The following SPATA1 variants were observed in gnomAD, a reference collection of about 807,000 sequenced individuals.
SPATA1 encodes spermatogenesis associated 1.
In SPATA1, 57 loss-of-function variants were observed where a neutral mutation model predicts 59.6. The observed-to-expected ratio is 0.96, with a 90% confidence interval of 0.77 to 1.19. The LOEUF is 1.19. Ranked by LOEUF, SPATA1 falls within the 50% of genes most tolerant of loss-of-function variation. The pLI is 0.00. For missense variants in SPATA1, 448 were observed against 480.7 expected, an observed-to-expected ratio of 0.93 and a Z score of 0.64; for synonymous variants, 147 against 163.9, an observed-to-expected ratio of 0.90 and a Z score of 0.79.
At position 84,522,584 on chromosome 1, in the gene SPATA1, C is replaced by A; in HGVS notation, c.261+77C>A. ...ATTACATTTCTTAAATGCTTATCAA[C>A]TCAGCTCCTTAAGATATTATTAGAT... On this transcript the variant is annotated intron_variant, in intron 4 of 12. Transcript: ENST00000490879. 7.8e-6 allele frequency: 5 copies of A among 643,674 alleles called. No individual in the cohort carries two copies. The South Asian group carries it at 1.1e-4, about 14-fold the overall frequency. The allele number at this position is 643,674 out of a possible 1,614,324, so 39.9% of individuals were successfully genotyped here.
chr1:84,514,928 G>A (rs148533305), intron 1 of SPATA1, among the ~76,000 whole-genome samples: 2,440 of 152,026 alleles, frequency 0.016, 19 homozygotes, highest in Admixed American at 0.027. Flanking sequence ...CCAAGACTGC[G>A]CTACTGCACT....
At chr1:84,555,103 C>T, downstream of SPATA1, 1 of 1,613,718 alleles carries the variant, frequency 6.2e-7, no homozygotes, top group Non-Finnish European at 8.5e-7. Flanking sequence ...TTCCACATGC[C>T]AATGCCCCGT....
intron 8 of SPATA1, among the ~76,000 whole-genome samples, chr1:84,538,774 G>A (rs575446821): frequency 6.6e-6 from 1 of 152,288 alleles, no homozygotes; most frequent in African/African-American, 2.4e-5. Flanking sequence ...TGCAAGCAAT[G>A]CTGCCACTTG....
At chr1:84,530,676 T>A (rs1388914605) in intron 6 of SPATA1, among the ~76,000 whole-genome samples, 2 of 152,232 alleles carry the variant, frequency 1.3e-5, no homozygotes, top group African/African-American at 4.8e-5. Context: ...GTACTTTACA[T>A]GCATTATGCC....
chr1:84,561,380 A>G (rs1378655482), intron 4 of SPATA1, among the ~76,000 whole-genome samples: 1 of 152,250 alleles, frequency 6.6e-6, no homozygotes, highest in Non-Finnish European at 1.5e-5. Flanking sequence ...AAATTTGAAT[A>G]GATGAGGAGC....
At chr1:84,528,760 C>T (rs1261275635) in intron 6 of SPATA1, among the ~76,000 whole-genome samples, 2 of 152,172 alleles carry the variant, frequency 1.3e-5, no homozygotes, top group Admixed American at 1.3e-4. Context: ...TGTTCAACTT[C>T]ACTAAACAAC....
At chr1:84,556,710 C>CA (rs11417377), downstream of SPATA1, among the ~76,000 whole-genome samples, 40,554 of 93,190 alleles carry the variant, frequency 0.44, 7,785 homozygotes, top group South Asian at 0.52. Context: ...GACTCCGTCT[C>CA]AAAAAAAAAA....
intron 3 of SPATA1, among the ~76,000 whole-genome samples, chr1:84,522,059 G>T (rs1266234677): frequency 1.1e-4 from 17 of 152,104 alleles, no homozygotes; most frequent in Non-Finnish European, 1.5e-5. Flanking sequence ...ATTGGTATAT[G>T]TATAAAAGTA....
chr1:84,534,584 G>A (rs6669593), intron 8 of SPATA1, among the ~76,000 whole-genome samples: 25,212 of 151,980 alleles, frequency 0.17, 3,856 homozygotes, highest in African/African-American at 0.4. Flanking sequence ...TGGCTTCAGA[G>A]TTCAGTCTTA....
chr1:84,508,150 G>A lies in SPATA1; in HGVS notation c.-138+1732G>A, dbSNP rs887122285. Among the ~76,000 whole-genome samples the A allele has an allele frequency of 2.0e-5, 3 of 152,028 alleles. No individual in the cohort carries two copies. In the East Asian group the frequency reaches 5.8e-4, roughly 29 times the overall value. On this transcript the variant is annotated intron_variant, in intron 1 of 12. Transcript: ENST00000490879. ...AAAAATTAGCTGGGCGTGGTGGTGC[G>A]CGCCACCCAGGAGTCCCAGCTGCCC... is the stretch of plus-strand genomic sequence containing the variant.
At chr1:84,544,815 C>T (rs1684031529) in intron 9 of SPATA1, among the ~76,000 whole-genome samples, 1 of 151,910 alleles carries the variant, frequency 6.6e-6, no homozygotes, top group Admixed American at 6.6e-5. Context: ...CCCATCTCGG[C>T]CTCCCAAAGT....
rs188994840 is a variant in SPATA1 at position 84,545,034 on chromosome 1, C to A, written c.821-600C>A. Among the ~76,000 whole-genome samples, 1,413 of 150,128 alleles carry A rather than the reference C, an allele frequency of 9.4e-3. 31 individuals carry two copies. The highest frequency in any genetic ancestry group is 0.032 in the African/African-American group (1,336 of 41,184). Reference sequence around the variant, plus strand: ...GACCAGCCTGGCCAACATGGTGAAACCCCATCTCTACTAAAAATACAAAAA... The same window carrying A: ...GACCAGCCTGGCCAACATGGTGAAAACCCATCTCTACTAAAAATACAAAAA... On this transcript the variant is annotated intron_variant, in intron 9 of 12. Coordinates refer to ENST00000490879, the Ensembl canonical transcript of SPATA1.
chr1:84,521,820 T>A lies in SPATA1; in HGVS notation c.144-570T>A, dbSNP rs550445850. Among the ~76,000 whole-genome samples, 76 of 152,340 alleles carry A rather than the reference T, an allele frequency of 5.0e-4. 1 individual carries two copies. Among genetic ancestry groups the A allele is most frequent in the African/African-American group, 1.8e-3 (76 of 41,582 alleles). On this transcript the variant is annotated intron_variant, in intron 3 of 12. Transcript: ENST00000490879. ...TGTCTGACACATAGTAGATGCTCAATAAATATGTGTTGATTGAATGAATTA... is the reference window on the plus strand; with the variant it reads ...TGTCTGACACATAGTAGATGCTCAAAAAATATGTGTTGATTGAATGAATTA...
At position 84,522,517 on chromosome 1, in the gene SPATA1, C is replaced by CT. The variant is rs752646461; in HGVS notation, c.261+19dup. The CT allele has an allele frequency of 2.0e-3, 2,832 of 1,395,346 alleles. No homozygotes were observed. Among genetic ancestry groups the CT allele is most frequent in the South Asian group, 3.4e-3 (231 of 68,532 alleles). 86.4% of individuals were successfully genotyped at this position (1,395,346 alleles called of 1,614,324 possible). ...AAATAATTTAGCTGTGGTAAGTTTT[C>CT]TTTTTTTTTCTTTCTGATTGAGAAA... is the stretch of plus-strand genomic sequence containing the variant. On this transcript the variant is annotated intron_variant, in intron 4 of 12. Transcript: ENST00000490879.
At chr1:84,535,768 G>T (rs1683653560) in intron 8 of SPATA1, among the ~76,000 whole-genome samples, 1 of 151,564 alleles carries the variant, frequency 6.6e-6, no homozygotes, top group Non-Finnish European at 1.5e-5. Context: ...TGTCATCTGT[G>T]AATAACAATA....
In SPATA1 at chr1:84,565,849, G is replaced by A; in HGVS notation, n.443-12G>A. 6.5e-7 allele frequency: 1 copy of A among 1,532,146 alleles called. No homozygotes were observed. The highest frequency in any genetic ancestry group is 1.4e-5 in the African/African-American group (1 of 70,790). The allele number at this position is 1,532,146 out of a possible 1,614,324, so 94.9% of individuals were successfully genotyped here. A position where few individuals can be genotyped will look rare whatever the true frequency, so the allele number is the denominator to read the frequency against. On this transcript the variant is annotated splice_polypyrimidine_tract_variant and intron_variant and non_coding_transcript_variant, in intron 4 of 4. Transcript: ENST00000460286. ...CATGTTTAGAGTCTTACCAGTTAATGTCTGATTATAGGGAGCATTGGCTGC... is the reference window on the plus strand; with the variant it reads ...CATGTTTAGAGTCTTACCAGTTAATATCTGATTATAGGGAGCATTGGCTGC...
rs561332911 is a variant in SPATA1 at position 84,532,920 on chromosome 1, A to G, written c.605A>G (p.Glu202Gly). ...GCAAAAAATCAAATTGGAAATTCTG[A>G]GTTGCCAGGATCATTGGAAGATTCA... Residue 202 changes from glutamate (E) to glycine (G), a missense_variant, in exon 7 of 13, where the codon GAG becomes GGG. Physicochemically the swap from Glu to Gly is moderately conservative, Grantham distance 98. Coordinates refer to ENST00000490879, the Ensembl canonical transcript of SPATA1. The G allele has an allele frequency of 2.0e-4, 310 of 1,552,328 alleles. 3 individuals carry two copies. Among genetic ancestry groups the G allele is most frequent in the Non-Finnish European group, 2.6e-6 (3 of 1,147,254 alleles).
In SPATA1 at chr1:84,525,819, CTT is replaced by C. The variant is rs1168392174; in HGVS notation, c.316-23_316-22del. ...AGCACTGCTTTTAATTGCAAACTAA[CTT>C]TTAAAATTTCCTATATGTTTTAGGC... On this transcript the variant is annotated intron_variant, in intron 5 of 12. Transcript: ENST00000490879. The C allele has an allele frequency of 2.5e-6, 4 of 1,604,658 alleles. No individual in the cohort carries two copies. The African/African-American group carries it at 4.1e-5, about 16-fold the overall frequency.
intron 11 of SPATA1, 54 bp downstream of exon 11, chr1:84,549,018 C>G: frequency 6.9e-7 from 1 of 1,445,872 alleles, no homozygotes; most frequent in Non-Finnish European, 9.1e-7. Context: ...AAAACACATG[C>G]TTTATAAGTG....
Sources: allele counts gnomAD v4.1 joint callset (sites outside exome capture counted in the v4.1 genomes callset), GRCh38; gene constraint gnomAD v4.1.1; transcripts MANE v1.5; gene names NCBI Gene and HGNC (gene_info 2026-07-23, HGNC 2026-07-21).